Variants in CELF4 observed in about 807,000 individuals in gnomAD.
The protein encoded by CELF4 is CUG-BP- and ETR-3-like factor 4.
A neutral mutation model predicts 59.9 loss-of-function variants in CELF4; 18 were observed. The ratio of observed to expected loss-of-function variants is 0.30; its 90% confidence interval spans 0.21 to 0.45. The LOEUF (loss-of-function observed/expected upper bound fraction) is 0.45. Among genes scored for constraint, CELF4 ranks in the 20% least tolerant of loss-of-function variants. CELF4 has a pLI of 1.00. For missense variants in CELF4, 456 were observed against 689.0 expected (o/e 0.66, Z 3.79); for synonymous variants, 261 against 267.1 (o/e 0.98, Z 0.22).
chr18:37,273,884 G>T (rs1242514118), intron 6 of CELF4: 2 of 1,015,144 alleles, frequency 2.0e-6, no homozygotes, highest in Non-Finnish European at 2.3e-6. Context: ...GGGCTTTAGG[G>T]CACCTCACAG....
chr18:37,488,850 G>T (rs1603642495), intron 1 of CELF4, among the ~76,000 whole-genome samples: 1 of 152,228 alleles, frequency 6.6e-6, no homozygotes, highest in East Asian at 1.9e-4. Context: ...GGAGATGAAA[G>T]AAGGAAGCAG....
At chr18:37,338,817 G>GGGT (rs1324365063) in intron 2 of CELF4, among the ~76,000 whole-genome samples, 1 of 150,632 alleles carries the variant, frequency 6.6e-6, no homozygotes, top group African/African-American at 2.4e-5. Flanking sequence ...TACCTTCACA[G>GGGT]GGTGGCTTTG....
chr18:37,542,037 G>C (rs993685048), intron 1 of CELF4, among the ~76,000 whole-genome samples: 1 of 152,172 alleles, frequency 6.6e-6, no homozygotes, highest in Non-Finnish European at 1.5e-5. Flanking sequence ...GTGGCACAGA[G>C]TGGGTGATCA....
chr18:37,309,079 G>T (rs760401783), intron 3 of CELF4, among the ~76,000 whole-genome samples: 5 of 152,170 alleles, frequency 3.3e-5, no homozygotes, highest in Non-Finnish European at 7.4e-5. Flanking sequence ...ATGCCAAAGG[G>T]TATGTGGGGT....
intron 2 of CELF4, among the ~76,000 whole-genome samples, chr18:37,340,427 G>T (rs1427743454): frequency 6.6e-6 from 1 of 152,216 alleles, no homozygotes; most frequent in Non-Finnish European, 1.5e-5. Context: ...ATACAGTGGG[G>T]GAGTCCAAGG....
At chr18:37,370,664 C>T (rs533738903) in intron 2 of CELF4, among the ~76,000 whole-genome samples, 158 of 152,226 alleles carry the variant, frequency 1.0e-3, no homozygotes, top group Non-Finnish European at 2.0e-3. Flanking sequence ...CGCAGGTGGC[C>T]CTCCTGTTGT....
chr18:37,535,199 T>C (rs1422633674), intron 1 of CELF4, among the ~76,000 whole-genome samples: 3 of 152,156 alleles, frequency 2.0e-5, no homozygotes, highest in Non-Finnish European at 4.4e-5. Flanking sequence ...TAATTGGTGA[T>C]TCTGGAATTA....
At position 37,476,858 on chromosome 18, in the gene CELF4, G is replaced by A. The variant is rs181807962; in HGVS notation, c.369+8667C>T. ...TCTCGCTCCGGTGGACACACACCTCGCTCCACACATGCCCACATTCACACC... is the reference window on the plus strand; with the variant it reads ...TCTCGCTCCGGTGGACACACACCTCACTCCACACATGCCCACATTCACACC... On this transcript the variant is annotated intron_variant, in intron 2 of 12. Coordinates refer to ENST00000420428, the MANE Select transcript of CELF4 (RefSeq NM_020180.4). Among the ~76,000 whole-genome samples the A allele has an allele frequency of 3.3e-3, 508 of 152,300 alleles. 4 individuals carry two copies. The highest frequency in any genetic ancestry group is 0.012 in the African/African-American group (480 of 41,560).
intron 2 of CELF4, among the ~76,000 whole-genome samples, chr18:37,375,507 C>T (rs1351171707): frequency 1.3e-5 from 2 of 152,142 alleles, no homozygotes; most frequent in East Asian, 1.9e-4. Context: ...TCCTGACCTC[C>T]GATGCTGATG....
chr18:37,386,697 A>G (rs1603633279), intron 2 of CELF4, among the ~76,000 whole-genome samples: 2 of 152,360 alleles, frequency 1.3e-5, no homozygotes. Context: ...AAAAACACCT[A>G]GGTACAATTC....
intron 2 of CELF4, among the ~76,000 whole-genome samples, chr18:37,348,264 T>C (rs2098337237): frequency 6.6e-6 from 1 of 152,104 alleles, no homozygotes; most frequent in Non-Finnish European, 1.5e-5. Flanking sequence ...CTTCACGTGG[T>C]GAGGTGAGGC....
At chr18:37,553,561 G>A (rs148754662) in intron 1 of CELF4, among the ~76,000 whole-genome samples, 55 of 152,282 alleles carry the variant, frequency 3.6e-4, no homozygotes, top group African/African-American at 5.3e-4. Flanking sequence ...ACACTAAATC[G>A]TAGACTGTAA....
At chr18:37,458,504 C>T (rs189885878) in intron 2 of CELF4, among the ~76,000 whole-genome samples, 416 of 152,346 alleles carry the variant, frequency 2.7e-3, no homozygotes, top group African/African-American at 9.4e-3. Flanking sequence ...GAATGAGGTT[C>T]TTCAACCTGC....
chr18:37,305,092 G>A (rs2096308754), intron 3 of CELF4, among the ~76,000 whole-genome samples: 1 of 152,162 alleles, frequency 6.6e-6, no homozygotes, highest in Non-Finnish European at 1.5e-5. Flanking sequence ...AAATATCTGG[G>A]AGAAGTGCAA....
At chr18:37,417,962 C>T (rs895811004) in intron 2 of CELF4, among the ~76,000 whole-genome samples, 1 of 152,216 alleles carries the variant, frequency 6.6e-6, no homozygotes, top group South Asian at 2.1e-4. Flanking sequence ...AGTTCCTGAA[C>T]ACTTGCTTTT....
At chr18:37,524,906 G>A (rs951910926) in intron 1 of CELF4, among the ~76,000 whole-genome samples, 19 of 152,236 alleles carry the variant, frequency 1.2e-4, no homozygotes, top group Non-Finnish European at 2.6e-4. Flanking sequence ...CGGCGGCTGC[G>A]CCCCAGTCCC....
chr18:37,276,083 C>G (rs2093189393), intron 3 of CELF4: 1 of 152,252 alleles, frequency 6.6e-6, no homozygotes, highest in African/African-American at 2.4e-5. Flanking sequence ...CCTCCTCGGT[C>G]TGGCTCTTCC....
intron 2 of CELF4, among the ~76,000 whole-genome samples, chr18:37,428,525 G>C (rs1039052786): frequency 6.6e-6 from 1 of 152,206 alleles, no homozygotes; most frequent in African/African-American, 2.4e-5. Context: ...CACAGTAGCT[G>C]CATCAGAACT....
chr18:37,309,172 T>C (rs534252389), intron 3 of CELF4, among the ~76,000 whole-genome samples: 11 of 152,306 alleles, frequency 7.2e-5, no homozygotes, highest in Non-Finnish European at 1.5e-4. Flanking sequence ...TGGTTGGTAT[T>C]GATGCTGGAA....
Sources: gnomAD v4.1 joint callset for allele counts (sites outside exome capture counted in the v4.1 genomes callset) on GRCh38, gnomAD v4.1.1 for gene constraint, MANE v1.5 for transcripts, NCBI Gene and HGNC (gene_info 2026-07-23, HGNC 2026-07-21) for gene names.